Variants in NRXN3 observed in about 807,000 individuals in gnomAD.
NRXN3 encodes neurexin 3, also known as neurexin III.
NRXN3 carries 32 observed loss-of-function variants against 137.6 expected under a neutral mutation model. The ratio of observed to expected loss-of-function variants is 0.23; its 90% CI spans 0.18 to 0.31. The LOEUF (loss-of-function observed/expected upper bound fraction) is 0.31, where lower values mean the gene tolerates loss of function less well. Among genes scored for constraint, NRXN3 ranks in the 10% least tolerant of loss-of-function variants. The pLI is 1.00. For missense variants in NRXN3, 1,574 were observed against 2,062.5 expected (o/e 0.76, Z 4.59); for synonymous variants, 798 against 784.5 (o/e 1.02, Z -0.29).
rs977512054 is a variant in NRXN3 at position 78,681,634 on chromosome 14, A to C, written c.1222-27583A>C. On this transcript the variant is annotated intron_variant, in intron 6 of 20. Transcript: ENST00000335750. ...TTTCAGAGGGGAATGGACTTGGTTT[A>C]TTTTATAGACTGTTTGAGCCTAAAG... Among the ~76,000 whole-genome samples, 11 of 152,258 alleles carry C rather than the reference A, an allele frequency of 7.2e-5. No homozygotes were observed. In the East Asian group the frequency reaches 2.1e-3, roughly 29 times the overall value.
rs192721065 is a variant in NRXN3, at chr14:79,139,713, T to C, written c.3262+151572T>C. Among the ~76,000 whole-genome samples, 6 of 152,096 alleles carry C rather than the reference T, an allele frequency of 3.9e-5. No individual in the cohort carries two copies. The East Asian group carries it at 9.6e-4, about 24-fold the overall frequency. Reference sequence around the variant, plus strand: ...ATTGGTGATTAAATTCCTGAGAATTTCCAGTAATGCATACCAAATGTCCTG... The same window carrying C: ...ATTGGTGATTAAATTCCTGAGAATTCCCAGTAATGCATACCAAATGTCCTG... On this transcript the variant is annotated intron_variant, in intron 15 of 20. Transcript: ENST00000335750.
chr14:78,483,012 C>T (rs905686757), intron 4 of NRXN3, among the ~76,000 whole-genome samples: 1 of 152,148 alleles, frequency 6.6e-6, no homozygotes, highest in Admixed American at 6.5e-5. Flanking sequence ...GAGAACACTT[C>T]TCATTTCCCC....
intron 15 of NRXN3, among the ~76,000 whole-genome samples, chr14:79,426,272 C>G (rs2095653832): frequency 6.6e-6 from 1 of 152,184 alleles, no homozygotes; most frequent in Non-Finnish European, 1.5e-5. Context: ...GCAGCTTTCT[C>G]CCTGGAGATT....
intron 2 of NRXN3, among the ~76,000 whole-genome samples, chr14:78,265,537 A>G (rs2071550207): frequency 1.3e-5 from 2 of 152,228 alleles, no homozygotes; most frequent in Non-Finnish European, 2.9e-5. Context: ...TAAAAGAAAT[A>G]CTGGCACAAA....
chr14:78,722,913 G>T (rs2098466513), intron 8 of NRXN3, among the ~76,000 whole-genome samples: 1 of 152,138 alleles, frequency 6.6e-6, no homozygotes. Context: ...GAGAATCAAA[G>T]ATCTCCCCGG....
chr14:79,151,989 C>T (rs969799739), intron 15 of NRXN3, among the ~76,000 whole-genome samples: 1 of 152,134 alleles, frequency 6.6e-6, no homozygotes, highest in Non-Finnish European at 1.5e-5. Flanking sequence ...CTGTCATCCT[C>T]CCAGAAGTGA....
chr14:78,966,876 C>A (rs1235589383), intron 12 of NRXN3, among the ~76,000 whole-genome samples: 1 of 152,100 alleles, frequency 6.6e-6, no homozygotes, highest in Non-Finnish European at 1.5e-5. Context: ...AAACAAAAAA[C>A]CAAAACAAAA....
chr14:79,844,712 C>T (rs1439865746), intron 20 of NRXN3, among the ~76,000 whole-genome samples: 1 of 152,104 alleles, frequency 6.6e-6, no homozygotes, highest in African/African-American at 2.4e-5. Context: ...TTAAAGACTA[C>T]AGGCATAGTA....
chr14:78,390,389 G>T (rs1197162323), intron 4 of NRXN3, among the ~76,000 whole-genome samples: 4 of 152,160 alleles, frequency 2.6e-5, no homozygotes, highest in African/African-American at 9.7e-5. Flanking sequence ...AATCTGCTTT[G>T]CTGCCTCCTG....
rs376638218 is a variant in NRXN3, at chr14:79,555,345, C to A, written c.3444+87943C>A. 1.4e-4 allele frequency among the ~76,000 whole-genome samples: 21 copies of A among 152,208 alleles called. No individual in the cohort carries two copies. The East Asian group carries it at 3.9e-3, about 28-fold the overall frequency. ...ACAGTGTCAGGAATCCAACTGGCTA[C>A]TTTATATACACTACTTGGTGTTTTA... On this transcript the variant is annotated intron_variant, in intron 16 of 20. Coordinates refer to ENST00000335750, the MANE Select transcript of NRXN3 (RefSeq NM_001330195.2).
rs553984320 is a variant in NRXN3, at chr14:78,390,427, A to G, written c.757+92567A>G. On this transcript the variant is annotated intron_variant, in intron 4 of 20. Transcript: ENST00000335750. ...CTAGAAGATTTAGACTAGGAATTCAAGTAGACAGAAAACCGGTGTTACAAG... is the reference window on the plus strand; with the variant it reads ...CTAGAAGATTTAGACTAGGAATTCAGGTAGACAGAAAACCGGTGTTACAAG... 2.6e-5 allele frequency among the ~76,000 whole-genome samples: 4 copies of G among 152,212 alleles called. No individual in the cohort carries two copies. The East Asian group carries it at 5.8e-4, about 22-fold the overall frequency.
chr14:78,742,924 A>G (rs1013735901), intron 8 of NRXN3, among the ~76,000 whole-genome samples: 1 of 152,222 alleles, frequency 6.6e-6, no homozygotes, highest in African/African-American at 2.4e-5. Flanking sequence ...AGACACCATC[A>G]TTAAACAATT....
chr14:78,706,542 G>C (rs994687208), intron 6 of NRXN3, among the ~76,000 whole-genome samples: 2 of 152,152 alleles, frequency 1.3e-5, no homozygotes, highest in Non-Finnish European at 2.9e-5. Flanking sequence ...TTCAAGTCCT[G>C]CTCTGCCACT....
intron 17 of NRXN3, among the ~76,000 whole-genome samples, chr14:79,687,452 T>G (rs1159543155): frequency 6.6e-6 from 1 of 152,198 alleles, no homozygotes; most frequent in African/African-American, 2.4e-5. Flanking sequence ...GCCCTAGTAC[T>G]TGAGGGCAGC....
chr14:78,230,301 CCTCTGT>C (rs929429510), intron 1 of NRXN3, among the ~76,000 whole-genome samples: 15 of 151,668 alleles, frequency 9.9e-5, no homozygotes, highest in East Asian at 3.9e-4. Flanking sequence ...CTTCTAGCCA[CCTCTGT>C]CTCTGTCTCT....
chr14:79,314,246 C>T (rs2094509633), intron 15 of NRXN3: 2 of 133,116 alleles, frequency 1.5e-5, no homozygotes, highest in Non-Finnish European at 3.2e-5. Flanking sequence ...GGCATTGCCT[C>T]ACCTGGGAAG....
chr14:79,125,661 T>A (rs2056287314), intron 15 of NRXN3, among the ~76,000 whole-genome samples: 1 of 152,164 alleles, frequency 6.6e-6, no homozygotes, highest in African/African-American at 2.4e-5. Context: ...CAGCACCCCT[T>A]TCACTATGCT....
chr14:79,530,051 C>T (rs538138128), intron 16 of NRXN3, among the ~76,000 whole-genome samples: 1 of 152,244 alleles, frequency 6.6e-6, no homozygotes, highest in East Asian at 1.9e-4. Flanking sequence ...GAGGAAATAT[C>T]TGGAAATACC....
intron 15 of NRXN3, among the ~76,000 whole-genome samples, chr14:79,270,412 C>T (rs761854941): frequency 2.0e-5 from 3 of 152,090 alleles, no homozygotes; most frequent in Non-Finnish European, 2.9e-5. Flanking sequence ...AAACTGTGGA[C>T]AATTGGAGAT....
Sources: allele counts gnomAD v4.1 joint callset (sites outside exome capture counted in the v4.1 genomes callset), GRCh38; gene constraint gnomAD v4.1.1; transcripts MANE v1.5; gene names NCBI Gene and HGNC (gene_info 2026-07-23, HGNC 2026-07-21).